The following UMAD1 variants were observed in gnomAD, a reference collection of about 807,000 sequenced individuals.
The protein encoded by UMAD1 is UBAP1-MVB12-associated (UMA)-domain containing protein 1.
In UMAD1, 8 loss-of-function variants were observed where a neutral mutation model predicts 6.1. The ratio of observed to expected loss-of-function variants is 1.30; its 90% CI spans 0.76 to 2.35. The LOEUF (loss-of-function observed/expected upper bound fraction) is 2.35. Ranked by LOEUF, UMAD1 falls within the 30% of genes most tolerant of loss-of-function variation. The pLI is 0.00. For synonymous variants in UMAD1, 56 were observed against 31.4 expected (o/e 1.78, Z -2.61); for missense variants, 130 against 78.4 (o/e 1.66, Z -2.49).
In UMAD1 at chr7:7,770,924, CT is replaced by C. The variant is rs745379753; in HGVS notation, c.83-30743del. Among the ~76,000 whole-genome samples the C allele has an allele frequency of 1.1e-4, 17 of 151,942 alleles. 1 individual carries two copies. The South Asian group carries it at 2.7e-3, about 24-fold the overall frequency. ...AAAAATATTCGTTATTTAGAAATGG[CT>C]TTGGTAATTAAAGATGTCTTGGTGT... is the stretch of plus-strand genomic sequence containing the variant. On this transcript the variant is annotated intron_variant, in intron 2 of 3. Coordinates refer to ENST00000682710, the MANE Select transcript of UMAD1 (RefSeq NM_001302348.2).
In UMAD1 at chr7:7,877,385, C is replaced by T. The variant is rs142348619; in HGVS notation, c.261C>T (p.Ser87=). 5.9e-4 allele frequency: 421 copies of T among 717,598 alleles called. No individual in the cohort carries two copies. The African/African-American group carries it at 6.4e-3, about 11-fold the overall frequency. The allele number at this position is 717,598 out of a possible 1,614,324, so 44.5% of individuals were successfully genotyped here. Residue 87 remains serine (S), a synonymous_variant, in exon 4 of 4, where the codon AGC becomes AGT. Transcript: ENST00000682710. ...GCTCATTAATGGCCGAGCTCCTGAGCGATGTGCCGTTCACCCTGGCCCCGC... is the reference window on the plus strand; with the variant it reads ...GCTCATTAATGGCCGAGCTCCTGAGTGATGTGCCGTTCACCCTGGCCCCGC... ...ENSSLMAELL[S]DVPFTLAPHV...
chr7:7,708,317 A>G (rs1780657470), intron 2 of UMAD1, among the ~76,000 whole-genome samples: 1 of 152,204 alleles, frequency 6.6e-6, no homozygotes, highest in South Asian at 2.1e-4. Context: ...TTAATGTTGA[A>G]TAAGCTACTT....
chr7:7,710,078 C>G (rs931831850), intron 2 of UMAD1, among the ~76,000 whole-genome samples: 14 of 152,196 alleles, frequency 9.2e-5, no homozygotes, highest in African/African-American at 3.4e-4. Context: ...GCCTCTCTCA[C>G]TCAGTATCAT....
chr7:7,842,626 A>G (rs1046693881), intron 3 of UMAD1, among the ~76,000 whole-genome samples: 26 of 152,090 alleles, frequency 1.7e-4, no homozygotes, highest in Admixed American at 5.2e-4. Context: ...TTAAAAAAAA[A>G]AAAAACTAAT....
chr7:7,867,790 C>T (rs1337285371), intron 3 of UMAD1, among the ~76,000 whole-genome samples: 5 of 151,904 alleles, frequency 3.3e-5, no homozygotes, highest in East Asian at 3.9e-4. Context: ...AGAGTTGAGT[C>T]GAATTTTAAA....
intron 2 of UMAD1, among the ~76,000 whole-genome samples, chr7:7,799,838 C>T (rs535238550): frequency 1.3e-5 from 2 of 152,292 alleles, no homozygotes; most frequent in South Asian, 4.1e-4. Context: ...TTTACAAACA[C>T]GTATGCTCAA....
At chr7:7,862,728 A>G (rs900892001) in intron 3 of UMAD1, among the ~76,000 whole-genome samples, 1 of 152,230 alleles carries the variant, frequency 6.6e-6, no homozygotes, top group Admixed American at 6.5e-5. Context: ...CTCAGTTTCT[A>G]TAGCGGCACA....
At chr7:7,736,133 C>T (rs115749435) in intron 2 of UMAD1, 15 of 152,346 alleles carry the variant, frequency 9.8e-5, no homozygotes, top group African/African-American at 3.6e-4. Context: ...GGGACAAAGG[C>T]CTTCCTGGTT....
chr7:7,860,741 C>G lies in UMAD1; in HGVS notation c.157-16540C>G, dbSNP rs560284096. ...AGTGAGCCAAGATTGCACCACTGCA[C>G]TCCAGCCTGGGCGACAAAGCGAGAC... On this transcript the variant is annotated intron_variant, in intron 3 of 3. Coordinates refer to ENST00000682710, the MANE Select transcript of UMAD1 (RefSeq NM_001302348.2). 2.7e-5 allele frequency among the ~76,000 whole-genome samples: 4 copies of G among 149,268 alleles called. No homozygotes were observed. The South Asian group carries it at 8.5e-4, about 32-fold the overall frequency.
intron 2 of UMAD1, among the ~76,000 whole-genome samples, chr7:7,727,564 CTG>C (rs1721411912): frequency 6.6e-6 from 1 of 152,128 alleles, no homozygotes; most frequent in Admixed American, 6.5e-5. Flanking sequence ...CTGGGTGTGT[CTG>C]TGAGCATGTT....
intron 3 of UMAD1, among the ~76,000 whole-genome samples, chr7:7,865,015 G>T (rs558019447): frequency 5.9e-5 from 9 of 152,296 alleles, no homozygotes; most frequent in South Asian, 4.1e-4. Flanking sequence ...AGGGGTGTGG[G>T]AGCCCCAAAC....
At chr7:7,842,752 G>A (rs146372515) in intron 3 of UMAD1, among the ~76,000 whole-genome samples, 33 of 152,102 alleles carry the variant, frequency 2.2e-4, no homozygotes, top group Admixed American at 2.2e-3. Flanking sequence ...ATCCATCCTT[G>A]TTTCTTTTAG....
chr7:7,804,720 G>A (rs143817416), intron 3 of UMAD1, among the ~76,000 whole-genome samples: 1,947 of 152,200 alleles, frequency 0.013, 45 homozygotes, highest in African/African-American at 0.044. Flanking sequence ...GGTGGCTCAC[G>A]CCTGTAATCC....
intron 2 of UMAD1, among the ~76,000 whole-genome samples, chr7:7,707,637 G>T (rs778983282): frequency 3.9e-5 from 6 of 152,014 alleles, no homozygotes; most frequent in Non-Finnish European, 7.4e-5. Flanking sequence ...ATGATATTTT[G>T]GAATTTAAAA....
At position 7,877,683 on chromosome 7, in the gene UMAD1, A is replaced by T; in HGVS notation, c.*145A>T. The T allele has an allele frequency of 3.4e-6, 2 of 593,190 alleles. No individual in the cohort carries two copies. The highest frequency in any genetic ancestry group is 6.0e-6 in the Non-Finnish European group (2 of 332,082). 36.7% of individuals were successfully genotyped at this position (593,190 alleles called of 1,614,324 possible). On this transcript the variant is annotated 3_prime_UTR_variant, in exon 4 of 4. Transcript: ENST00000682710. ...AAAATAGCATTATGTTCACTACTCT[A>T]TTTTTAAGAAAAAGGTACATTTGTA... is the stretch of plus-strand genomic sequence containing the variant.
intron 1 of UMAD1, among the ~76,000 whole-genome samples, chr7:7,659,422 ACTTTCT>A (rs1311632620): frequency 6.6e-6 from 1 of 152,000 alleles, no homozygotes; most frequent in Non-Finnish European, 1.5e-5. Context: ...GATCTTTCCC[ACTTTCT>A]CTTGTTGGCA....
At chr7:7,759,621 C>G (rs1418320805) in intron 2 of UMAD1, among the ~76,000 whole-genome samples, 1 of 152,024 alleles carries the variant, frequency 6.6e-6, no homozygotes, top group African/African-American at 2.4e-5. Flanking sequence ...TACCAGGGAA[C>G]CTGAAACGAG....
intron 2 of UMAD1, among the ~76,000 whole-genome samples, chr7:7,722,850 G>A (rs533315634): frequency 9.9e-5 from 15 of 152,284 alleles, no homozygotes; most frequent in Admixed American, 2.6e-4. Flanking sequence ...GAATGGGGAC[G>A]TGTGGGAGGA....
chr7:7,825,669 C>T (rs1344494069), intron 3 of UMAD1, among the ~76,000 whole-genome samples: 1 of 152,090 alleles, frequency 6.6e-6, no homozygotes, highest in Non-Finnish European at 1.5e-5. Flanking sequence ...AACCATATCA[C>T]CCTATTTCCA....
Sources: gnomAD v4.1 joint callset for allele counts (sites outside exome capture counted in the v4.1 genomes callset) on GRCh38, gnomAD v4.1.1 for gene constraint, MANE v1.5 for transcripts, NCBI Gene and HGNC (gene_info 2026-07-23, HGNC 2026-07-21) for gene names.